The following RPS6KA5 variants were observed in gnomAD, a reference collection of about 807,000 sequenced individuals.
The protein encoded by RPS6KA5 is ribosomal protein S6 kinase alpha-5.
A neutral mutation model predicts 85.5 loss-of-function variants in RPS6KA5; 27 were observed. The observed-to-expected ratio is 0.32, with a 90% CI of 0.23 to 0.44. RPS6KA5 has a LOEUF of 0.44. Ranked by LOEUF, RPS6KA5 falls within the 20% of genes least tolerant of loss-of-function variation. The pLI, the probability that RPS6KA5 is intolerant of heterozygous loss-of-function variation, is 1.00. For synonymous variants in RPS6KA5, 334 were observed against 348.2 expected (o/e 0.96, Z 0.46); for missense variants, 811 against 980.9 (o/e 0.83, Z 2.31).
rs1239257665 is a variant in RPS6KA5 at position 90,864,520 on chromosome 14, C to A, written c.*7554G>T. On this transcript the variant is annotated 3_prime_UTR_variant, in exon 17 of 17. Coordinates refer to ENST00000614987, the MANE Select transcript of RPS6KA5 (RefSeq NM_004755.4). ...ATTAAATACGACGCAAAAGTATTAG[C>A]AATTAAATAAAAGACTGGTATATTG... 5.9e-5 allele frequency: 9 copies of A among 152,044 alleles called. No individual in the cohort carries two copies. The highest frequency in any genetic ancestry group is 2.2e-4 in the African/African-American group (9 of 41,386). 9.4% of individuals were successfully genotyped at this position (152,044 alleles called of 1,614,324 possible). A position where few individuals can be genotyped will look rare whatever the true frequency, so the allele number is the denominator to read the frequency against.
At chr14:90,982,310 A>G (rs1047209699) in intron 2 of RPS6KA5, among the ~76,000 whole-genome samples, 1 of 152,006 alleles carries the variant, frequency 6.6e-6, no homozygotes, top group African/African-American at 2.4e-5. Flanking sequence ...GATAAACAAA[A>G]TAGGGACTGG....
intron 3 of RPS6KA5, among the ~76,000 whole-genome samples, chr14:90,953,684 G>T (rs1202380875): frequency 6.6e-6 from 1 of 152,122 alleles, no homozygotes; most frequent in Non-Finnish European, 1.5e-5. Context: ...CTGGGGTGAG[G>T]TCTATAAATG....
At chr14:90,991,966 A>ATT (rs1412242535) in intron 2 of RPS6KA5, among the ~76,000 whole-genome samples, 1 of 152,034 alleles carries the variant, frequency 6.6e-6, no homozygotes, top group Non-Finnish European at 1.5e-5. Context: ...GATGAATAGC[A>ATT]TTTTTTTCTA....
chr14:90,973,402 T>A (rs1471267755), intron 3 of RPS6KA5, among the ~76,000 whole-genome samples: 8 of 146,104 alleles, frequency 5.5e-5, no homozygotes, highest in Non-Finnish European at 1.2e-4. Context: ...GAGATCAACA[T>A]CACTGCGCTC....
At chr14:91,033,999 T>C (rs2042296848) in intron 1 of RPS6KA5, among the ~76,000 whole-genome samples, 1 of 152,198 alleles carries the variant, frequency 6.6e-6, no homozygotes. Context: ...GGCTATGCTG[T>C]ATGCAGCATA....
intron 6 of RPS6KA5, among the ~76,000 whole-genome samples, chr14:90,920,708 G>T (rs2036362031): frequency 6.6e-6 from 1 of 151,386 alleles, no homozygotes; most frequent in East Asian, 1.9e-4. Flanking sequence ...ACATCCAAGG[G>T]TATGTTATTT....
At chr14:91,034,215 G>C (rs2042305359) in intron 1 of RPS6KA5, among the ~76,000 whole-genome samples, 1 of 150,666 alleles carries the variant, frequency 6.6e-6, no homozygotes, top group South Asian at 2.1e-4. Context: ...TGAGGCAAGA[G>C]AATAGCTTGA....
chr14:91,015,100 G>C (rs1193681754), intron 1 of RPS6KA5, among the ~76,000 whole-genome samples: 1 of 152,148 alleles, frequency 6.6e-6, no homozygotes, highest in Non-Finnish European at 1.5e-5. Flanking sequence ...AAAAGATTTA[G>C]GGAGCAACAG....
intron 3 of RPS6KA5, among the ~76,000 whole-genome samples, chr14:90,957,238 T>C (rs2038569507): frequency 6.6e-6 from 1 of 152,158 alleles, no homozygotes; most frequent in Admixed American, 6.5e-5. Context: ...GTAATTTTTG[T>C]ATTTTTAGTA....
chr14:90,986,896 C>T (rs2040078146), intron 2 of RPS6KA5, among the ~76,000 whole-genome samples: 1 of 152,222 alleles, frequency 6.6e-6, no homozygotes, highest in South Asian at 2.1e-4. Flanking sequence ...GACCACCCTC[C>T]TTCCCTCACT....
rs552871702 is a variant in RPS6KA5 at position 90,858,755 on chromosome 14, AT to A, written c.*13318del. On this transcript the variant is annotated 3_prime_UTR_variant, in exon 17 of 17. Transcript: ENST00000614987. ...GCACACTTTGGTGAGCTCTGTGTTC[AT>A]TTTGATTACTTCTTCAAGGCACTGC... 149 of 152,358 alleles carry A rather than the reference AT, an allele frequency of 9.8e-4. No individual in the cohort carries two copies. The highest frequency in any genetic ancestry group is 3.3e-3 in the African/African-American group (139 of 41,578). The allele number at this position is 152,358 out of a possible 1,614,324, so 9.4% of individuals were successfully genotyped here. A position where few individuals can be genotyped will look rare whatever the true frequency, so the allele number is the denominator to read the frequency against.
intron 1 of RPS6KA5, among the ~76,000 whole-genome samples, chr14:91,048,987 G>A (rs2042968541): frequency 1.3e-5 from 2 of 152,154 alleles, no homozygotes; most frequent in East Asian, 3.8e-4. Context: ...TCCTTGCTTT[G>A]GAGCAGAGGT....
intron 4 of RPS6KA5, among the ~76,000 whole-genome samples, chr14:90,945,805 C>T (rs148847586): frequency 1.0e-3 from 152 of 152,232 alleles, no homozygotes; most frequent in Non-Finnish European, 1.4e-3. Context: ...TAGTTCAACA[C>T]CAACCTAGGC....
intron 1 of RPS6KA5, among the ~76,000 whole-genome samples, chr14:91,047,241 A>C (rs2042912899): frequency 6.6e-6 from 1 of 152,234 alleles, no homozygotes; most frequent in Non-Finnish European, 1.5e-5. Flanking sequence ...ATAAGAAGAA[A>C]GAACAAGGGC....
intron 1 of RPS6KA5, among the ~76,000 whole-genome samples, chr14:91,054,799 A>C (rs1193129671): frequency 6.6e-6 from 1 of 152,046 alleles, no homozygotes. Context: ...ATTTAAAAAA[A>C]AAAATTTTTT....
intron 1 of RPS6KA5, among the ~76,000 whole-genome samples, chr14:91,017,131 C>CA: frequency 6.6e-6 from 1 of 152,298 alleles, no homozygotes; most frequent in African/African-American, 2.4e-5. Flanking sequence ...GATCTGGCTA[C>CA]AGCTGATGCT....
At chr14:91,001,273 G>C (rs1248296183) in intron 1 of RPS6KA5, 114 bp from the exon 2 acceptor site, 2 of 632,894 alleles carry the variant, frequency 3.2e-6, no homozygotes, top group South Asian at 2.2e-5. Flanking sequence ...GATTAACCAG[G>C]GTTTGCTTTA....
chr14:90,904,652 G>T (rs757907921), intron 8 of RPS6KA5, among the ~76,000 whole-genome samples: 3 of 152,166 alleles, frequency 2.0e-5, no homozygotes, highest in African/African-American at 2.4e-5. Context: ...GTTGTTAGCA[G>T]GAGAATGTTT....
intron 7 of RPS6KA5, among the ~76,000 whole-genome samples, chr14:90,915,432 G>A (rs574801898): frequency 1.3e-5 from 2 of 152,326 alleles, no homozygotes; most frequent in South Asian, 2.1e-4. Context: ...GACAAAGAGA[G>A]TTGTCAGGTT....
Sources: gnomAD v4.1 joint callset for allele counts (sites outside exome capture counted in the v4.1 genomes callset) on GRCh38, gnomAD v4.1.1 for gene constraint, MANE v1.5 for transcripts, NCBI Gene and HGNC (gene_info 2026-07-23, HGNC 2026-07-21) for gene names.